LRP1: variants seen among roughly 807,000 people sequenced by gnomAD.
LRP1 encodes prolow-density lipoprotein receptor-related protein 1.
A neutral mutation model predicts 541.5 loss-of-function variants in LRP1; 51 were observed. The observed-to-expected ratio is 0.09, with a 90% CI of 0.08 to 0.12. LRP1 has a LOEUF of 0.12. Among genes scored for constraint, LRP1 ranks in the 10% least tolerant of loss-of-function variants. The pLI is 1.00. For synonymous variants in LRP1, 2,219 were observed against 2,470.8 expected (o/e 0.90, Z 3.02); for missense variants, 3,878 against 6,376.2 (o/e 0.61, Z 13.34).
Position 57,173,157 on chromosome 12 carries a change from T to A in LRP1, c.3164-11T>A, listed in dbSNP as rs1164116723. The A allele has an allele frequency of 6.3e-7, 1 of 1,595,738 alleles. No homozygotes were observed. Among genetic ancestry groups the A allele is most frequent in the Admixed American group, 1.7e-5 (1 of 59,446 alleles). On this transcript the variant is annotated splice_polypyrimidine_tract_variant and intron_variant, in intron 20 of 88. Coordinates refer to ENST00000243077, the MANE Select transcript of LRP1 (RefSeq NM_002332.3). The surrounding 1 kb of genome is among the most constrained non-coding windows in gnomAD (Gnocchi z 4.7). ...CCCTCCCTCCTGAGGCCCTCCACTG[T>A]CCCTCTGCAGCCACGAGGCCCCCTG...
In LRP1 at chr12:57,159,976, C is replaced by A; in HGVS notation, c.1950C>A (p.Pro650=). ...TAATCGAGGGCAAAATGACACACCC[C>A]AGGGCTATTGTGGTGGATCCACTCA... ...KTLIEGKMTH[P]RAIVVDPLNG... is the part of the protein sequence containing the mutation. Residue 650 remains proline, a synonymous_variant, in exon 12 of 89, where the codon CCC becomes CCA. Coordinates refer to ENST00000243077, the MANE Select transcript of LRP1 (RefSeq NM_002332.3). 1 of 1,614,124 alleles carries A rather than the reference C, an allele frequency of 6.2e-7. No homozygotes were observed. Among genetic ancestry groups the A allele is most frequent in the Non-Finnish European group, 8.5e-7 (1 of 1,180,024 alleles).
Position 57,178,575 on chromosome 12 carries a change from G to T in LRP1, c.4578G>T (p.Gln1526His). 6.2e-7 allele frequency: 1 copy of T among 1,614,234 alleles called. No homozygotes were observed. Among genetic ancestry groups the T allele is most frequent in the Non-Finnish European group, 8.5e-7 (1 of 1,180,040 alleles). Residue 1526 changes from glutamine (Q) to histidine (H), a missense_variant, in exon 27 of 89, where the codon CAG becomes CAT. Gln to His is a conservative substitution (Grantham distance 24). This residue lies in a region of LRP1 where 54 missense variants were observed against 167.7 expected (regional missense o/e 0.32). Transcript: ENST00000243077. This position sits in a 1 kb window ranked among gnomAD's most constrained non-coding sequence, Gnocchi z 5.8. ...QRTNTQPFDL[Q>H]VYHPSRQPMA... ...CCAACACCCAGCCCTTTGACCTGCA[G>T]GTGTACCACCCCTCCCGCCAGCCCA...
Position 57,202,441 on chromosome 12 carries a change from T to C in LRP1, c.10615T>C (p.Tyr3539His), listed in dbSNP as rs1269769358. 1.9e-6 allele frequency: 3 copies of C among 1,613,404 alleles called. No homozygotes were observed. The highest frequency in any genetic ancestry group is 1.7e-6 in the Non-Finnish European group (2 of 1,179,862). Residue 3539 changes from tyrosine to histidine, a missense_variant, in exon 68 of 89, where the codon TAC becomes CAC. This residue lies in a region of LRP1 where 278 missense variants were observed against 536.3 expected (regional missense o/e 0.52). Transcript: ENST00000243077. ...TCCAGATGAACGCACCTGTGAGCCA[T>C]ACCAGTTCCGCTGCAAGAACAACCG... Reference protein sequence around the residue: ...EECDERTCEPYQFRCKNNRCV... With the variant: ...EECDERTCEPHQFRCKNNRCV...
chr12:57,201,016 C>T lies in LRP1; in HGVS notation c.10226-18C>T, dbSNP rs768018473. On this transcript the variant is annotated intron_variant, in intron 64 of 88. Coordinates refer to ENST00000243077, the MANE Select transcript of LRP1 (RefSeq NM_002332.3). The surrounding 1 kb of genome is among the most constrained non-coding windows in gnomAD (Gnocchi z 6.4). Reference sequence around the variant, plus strand: ...GAGTCCTCCCTTCGCCACGAATCACCTCCTCCTCCCTCCACAGACATCCAC... The same window carrying T: ...GAGTCCTCCCTTCGCCACGAATCACTTCCTCCTCCCTCCACAGACATCCAC... 12 of 1,613,836 alleles carry T rather than the reference C, an allele frequency of 7.4e-6. No homozygotes were observed. The East Asian group carries it at 2.2e-4, about 30-fold the overall frequency.
chr12:57,146,438 T>A (rs969022808), intron 6 of LRP1: 1 of 152,186 alleles, frequency 6.6e-6, no homozygotes, highest in Non-Finnish European at 1.5e-5. Flanking sequence ...TGAAAGCCAG[T>A]GGTAAAGGAC....
chr12:57,152,307 G>T (rs1041320335), intron 6 of LRP1, among the ~76,000 whole-genome samples: 5 of 152,072 alleles, frequency 3.3e-5, no homozygotes, highest in Admixed American at 2.0e-4. Context: ...AAGGCCGGCC[G>T]TAGCTGCGCC....
In LRP1 at chr12:57,193,244, C is replaced by A. The variant is rs2036454727; in HGVS notation, c.7624C>A (p.Leu2542Met). 1.2e-6 allele frequency: 2 copies of A among 1,613,998 alleles called. No individual in the cohort carries two copies. Among genetic ancestry groups the A allele is most frequent in the Non-Finnish European group, 1.7e-6 (2 of 1,180,028 alleles). ...CAATGGCGAGTGCATCAACTTCAGC[C>A]TGACCTGCGACGGCGTCCCCCACTG... is the stretch of plus-strand genomic sequence containing the variant. ...CANGECINFS[L>M]TCDGVPHCKD... The change falls in exon 46 of 89, where the codon CTG becomes ATG. Residue 2542 changes from leucine (L) to methionine (M), a missense_variant. Leu to Met is a conservative substitution (Grantham distance 15, BLOSUM62 2). Around this residue, in one of 13 missense-constraint regions of LRP1, gnomAD observed 1,100 missense variants for 1,827.4 expected, o/e 0.60. Transcript: ENST00000243077.
chr12:57,190,702 C>G (rs763903303), intron 42 of LRP1, 103 bp from the exon 43 acceptor site: 11 of 1,078,716 alleles, frequency 1.0e-5, no homozygotes, highest in Non-Finnish European at 1.4e-5. Flanking sequence ...GTGGCTTTGC[C>G]CTGGCAGGCT....
chr12:57,204,234 A>G lies in LRP1; in HGVS notation c.10952-176A>G. On this transcript the variant is annotated intron_variant, in intron 70 of 88. Transcript: ENST00000243077. The surrounding 1 kb of genome is among the most constrained non-coding windows in gnomAD (Gnocchi z 5.3). ...CCTGAAAAATGGCCTCTTCTCCCCT[A>G]AATACCAGAGGGGGCAGTTTGGCCC... The G allele has an allele frequency of 1.5e-6, 1 of 689,510 alleles. No homozygotes were observed. Among genetic ancestry groups the G allele is most frequent in the East Asian group, 2.8e-5 (1 of 35,198 alleles). 42.7% of individuals were successfully genotyped at this position (689,510 alleles called of 1,614,324 possible). A position where few individuals can be genotyped will look rare whatever the true frequency, so the allele number is the denominator to read the frequency against.
At chr12:57,195,628 C>T in intron 52 of LRP1, 30 bp from the exon 53 acceptor site, 1 of 1,613,894 alleles carries the variant, frequency 6.2e-7, no homozygotes, top group Non-Finnish European at 8.5e-7. Flanking sequence ...CCAGGCAGGG[C>T]TGAAGGGCTG....
Position 57,156,935 on chromosome 12 carries a change from A to G in LRP1, c.1561+15A>G. 6.4e-7 allele frequency: 1 copy of G among 1,558,886 alleles called. No homozygotes were observed. The highest frequency in any genetic ancestry group is 1.3e-5 in the African/African-American group (1 of 74,462). The stretch of plus-strand genomic sequence containing the variant: ...GTCATGCAAGAGTGAGTGACAGGGA[A>G]GGGGGTGTGTGCCCATTGGGAGGCT... On this transcript the variant is annotated intron_variant, in intron 10 of 88. Transcript: ENST00000243077. This position sits in a 1 kb window ranked among gnomAD's most constrained non-coding sequence, Gnocchi z 5.2.
intron 68 of LRP1, chr12:57,202,900 GC>G (rs1205874581): frequency 7.1e-6 from 4 of 562,866 alleles, no homozygotes; most frequent in South Asian, 7.0e-5. Context: ...CAGTGGTCTT[GC>G]CCCCGCTCCC....
chr12:57,210,490 C>T lies in LRP1; in HGVS notation c.12754+10C>T. The T allele has an allele frequency of 6.6e-7, 1 of 1,522,204 alleles. No homozygotes were observed. Among genetic ancestry groups the T allele is most frequent in the Non-Finnish European group, 8.8e-7 (1 of 1,133,158 alleles). 94.3% of individuals were successfully genotyped at this position (1,522,204 alleles called of 1,614,324 possible). ...GCTGCCTCCCCCTCTGGTATGCCCC[C>T]TCATCCCGCCACGCCTGCTCCTTGC... is the stretch of plus-strand genomic sequence containing the variant. On this transcript the variant is annotated intron_variant, in intron 82 of 88. Coordinates refer to ENST00000243077, the MANE Select transcript of LRP1 (RefSeq NM_002332.3).
intron 67 of LRP1, 120 bp from the exon 68 acceptor site, chr12:57,202,301 C>A: frequency 1.2e-6 from 1 of 804,916 alleles, no homozygotes; most frequent in Non-Finnish European, 2.2e-6. Context: ...CTCCCCGCGG[C>A]TGACCCTTCC....
rs369241287 is a variant in LRP1 at position 57,157,303 on chromosome 12, G to A, written c.1561+383G>A. Among the ~76,000 whole-genome samples, 3 of 152,188 alleles carry A rather than the reference G, an allele frequency of 2.0e-5. No individual in the cohort carries two copies. The South Asian group carries it at 6.2e-4, about 32-fold the overall frequency. The stretch of plus-strand genomic sequence containing the variant: ...ATGTAACTTTAGGTGGTAATAAGTG[G>A]TTATGAAGAAAATAAAACAGAGAAT... On this transcript the variant is annotated intron_variant, in intron 10 of 88. Transcript: ENST00000243077.
intron 13 of LRP1, 22 bp downstream of exon 13, chr12:57,161,137 T>C (rs1190100793): frequency 3.7e-6 from 6 of 1,605,512 alleles, no homozygotes; most frequent in Non-Finnish European, 5.1e-6. Flanking sequence ...TGTGCCTGTG[T>C]GGGGGAATCT....
intron 6 of LRP1, among the ~76,000 whole-genome samples, chr12:57,151,317 A>G (rs1427393569): frequency 6.6e-6 from 1 of 152,184 alleles, no homozygotes; most frequent in Non-Finnish European, 1.5e-5. Context: ...CCTCTGTGCC[A>G]TAATGGGCAG....
Position 57,183,582 on chromosome 12 carries a change from G to A in LRP1, c.5794+72G>A. ...TAGGGGTGGTGTGGTGTGCCCTGAG[G>A]GTCCAGTGAGAGGCTGCCTGAATTG... On this transcript the variant is annotated intron_variant, in intron 35 of 88. Transcript: ENST00000243077. The surrounding 1 kb of genome is among the most constrained non-coding windows in gnomAD (Gnocchi z 6.1). The A allele has an allele frequency of 3.2e-6, 5 of 1,546,490 alleles. No individual in the cohort carries two copies. In the South Asian group the frequency reaches 4.8e-5, roughly 15 times the overall value.
chr12:57,180,933 C>G (rs953879368), intron 33 of LRP1, 126 bp downstream of exon 33: 11 of 1,356,906 alleles, frequency 8.1e-6, no homozygotes, highest in Non-Finnish European at 1.0e-5. Context: ...CCCAAAGGGG[C>G]TCCTTGTTTC....
Sources: allele counts gnomAD v4.1 joint callset (sites outside exome capture counted in the v4.1 genomes callset), GRCh38; gene constraint gnomAD v4.1.1; regional missense constraint gnomAD v4.1.1; non-coding constraint Gnocchi (gnomAD v3.1); transcripts MANE v1.5; gene names NCBI Gene and HGNC (gene_info 2026-07-23, HGNC 2026-07-21).